LRP1B: variants seen among roughly 807,000 people sequenced by gnomAD.
LRP1B encodes the protein LDL receptor related protein 1B.
In LRP1B, 217 loss-of-function variants were observed where a neutral mutation model predicts 556.6. The ratio of observed to expected loss-of-function variants is 0.39; its 90% CI spans 0.35 to 0.44. LRP1B has a LOEUF of 0.44. Among genes scored for constraint, LRP1B ranks in the 20% least tolerant of loss-of-function variants. LRP1B has a pLI of 1.00. For missense variants in LRP1B, 5,053 were observed against 5,620.8 expected, an observed-to-expected ratio of 0.90 and a Z score of 3.23; for synonymous variants, 2,047 against 1,865.8, an observed-to-expected ratio of 1.10 and a Z score of -2.50.
chr2:140,394,427 C>G (rs1295770822), intron 66 of LRP1B, among the ~76,000 whole-genome samples: 1 of 152,038 alleles, frequency 6.6e-6, no homozygotes. Context: ...TGTATGGTGG[C>G]CAGGTGATGT....
chr2:141,867,401 T>C (rs1445195790), intron 1 of LRP1B, among the ~76,000 whole-genome samples: 2 of 152,174 alleles, frequency 1.3e-5, no homozygotes, highest in East Asian at 3.9e-4. Context: ...AGACAATAGA[T>C]ACCAAAATGA....
chr2:141,804,040 C>T (rs1251488390), intron 2 of LRP1B, among the ~76,000 whole-genome samples: 3 of 152,048 alleles, frequency 2.0e-5, no homozygotes, highest in African/African-American at 4.8e-5. Flanking sequence ...ACCCAAGAGA[C>T]TTGTTCTTTT....
intron 41 of LRP1B, among the ~76,000 whole-genome samples, chr2:140,639,293 T>G (rs141897309): frequency 6.6e-6 from 1 of 152,328 alleles, no homozygotes; most frequent in African/African-American, 2.4e-5. Flanking sequence ...AAAAAACTAA[T>G]CATCTTTCAT....
At chr2:140,394,638 CACG>C (rs1166814111) in intron 66 of LRP1B, among the ~76,000 whole-genome samples, 1 of 152,048 alleles carries the variant, frequency 6.6e-6, no homozygotes, top group African/African-American at 2.4e-5. Flanking sequence ...AACTTAGTCA[CACG>C]ACAACACAAG....
At chr2:141,951,569 A>G (rs536213774) in intron 1 of LRP1B, among the ~76,000 whole-genome samples, 1 of 152,232 alleles carries the variant, frequency 6.6e-6, no homozygotes, top group African/African-American at 2.4e-5. Context: ...TACAGTTAGT[A>G]TAATATATAA....
chr2:141,716,134 T>G (rs563648493), intron 2 of LRP1B, among the ~76,000 whole-genome samples: 8 of 152,262 alleles, frequency 5.3e-5, no homozygotes, highest in Admixed American at 5.2e-4. Context: ...AAGATGAGGT[T>G]CACAAAGCTC....
At chr2:141,323,692 A>G (rs112529687) in intron 3 of LRP1B, among the ~76,000 whole-genome samples, 3,191 of 152,114 alleles carry the variant, frequency 0.021, 56 homozygotes, top group Non-Finnish European at 0.034. Context: ...AGACTCACAG[A>G]TGTTACTCCA....
At chr2:140,271,354 C>A (rs1463448745) in intron 85 of LRP1B, among the ~76,000 whole-genome samples, 3 of 151,846 alleles carry the variant, frequency 2.0e-5, no homozygotes, top group South Asian at 2.1e-4. Context: ...CTGGACATAA[C>A]CTTGACAAAA....
chr2:140,754,989 C>G (rs1391424769), intron 35 of LRP1B, among the ~76,000 whole-genome samples: 1 of 150,224 alleles, frequency 6.7e-6, no homozygotes, highest in Non-Finnish European at 1.5e-5. Context: ...TGAGAGACAC[C>G]CCTACTGATA....
At chr2:142,008,095 G>A (rs1295964463) in intron 1 of LRP1B, among the ~76,000 whole-genome samples, 2 of 152,126 alleles carry the variant, frequency 1.3e-5, no homozygotes, top group Non-Finnish European at 2.9e-5. Context: ...GCAAAAAGAA[G>A]AAGGATTCAT....
intron 75 of LRP1B, among the ~76,000 whole-genome samples, chr2:140,355,670 T>A (rs1372337834): frequency 6.6e-6 from 1 of 151,962 alleles, no homozygotes; most frequent in Non-Finnish European, 1.5e-5. Flanking sequence ...GGTTTGGCTG[T>A]ACTTACATTA....
chr2:142,101,139 T>C (rs1318897974), intron 1 of LRP1B, among the ~76,000 whole-genome samples: 4 of 151,996 alleles, frequency 2.6e-5, no homozygotes, highest in African/African-American at 4.8e-5. Flanking sequence ...CATAAAGGAA[T>C]AAAGGATCAA....
At chr2:142,096,163 G>A (rs2104959322) in intron 1 of LRP1B, among the ~76,000 whole-genome samples, 1 of 151,840 alleles carries the variant, frequency 6.6e-6, no homozygotes, top group Admixed American at 6.6e-5. Context: ...GTTTTATGCA[G>A]AGGATATATA....
chr2:140,922,810 T>C (rs893185510), intron 21 of LRP1B, among the ~76,000 whole-genome samples, 155 bp downstream of exon 21: 7 of 152,110 alleles, frequency 4.6e-5, no homozygotes, highest in Admixed American at 1.3e-4. Flanking sequence ...CCATTGATAG[T>C]TCTCCCTAAA....
intron 1 of LRP1B, among the ~76,000 whole-genome samples, chr2:141,811,866 A>G (rs1438691115): frequency 1.3e-5 from 2 of 152,084 alleles, no homozygotes; most frequent in Admixed American, 1.3e-4. Flanking sequence ...CTCACTCTCC[A>G]AAAAATGGTA....
At chr2:140,706,814 C>G (rs1270694271) in intron 37 of LRP1B, among the ~76,000 whole-genome samples, 3 of 105,802 alleles carry the variant, frequency 2.8e-5, no homozygotes, top group Admixed American at 1.2e-4. Flanking sequence ...TACAGGTATA[C>G]TTTTCAGGAA....
chr2:142,107,219 G>A (rs1427771531), intron 1 of LRP1B, among the ~76,000 whole-genome samples: 1 of 152,102 alleles, frequency 6.6e-6, no homozygotes, highest in Non-Finnish European at 1.5e-5. Flanking sequence ...TGTTTTAAAT[G>A]TGTCCCCTAA....
intron 3 of LRP1B, among the ~76,000 whole-genome samples, chr2:141,356,398 T>C (rs1445188804): frequency 6.6e-6 from 1 of 152,030 alleles, no homozygotes; most frequent in Non-Finnish European, 1.5e-5. Context: ...CCCAATAATA[T>C]GATAACTCAG....
intron 32 of LRP1B, 45 bp downstream of exon 32, chr2:140,813,612 C>G (rs1433332435): frequency 6.3e-7 from 1 of 1,582,368 alleles, no homozygotes; most frequent in Non-Finnish European, 8.7e-7. Flanking sequence ...TAAATCAACC[C>G]CCAATCAATA....
Sources: allele counts gnomAD v4.1 joint callset (sites outside exome capture counted in the v4.1 genomes callset), GRCh38; gene constraint gnomAD v4.1.1; transcripts MANE v1.5; gene names NCBI Gene and HGNC (gene_info 2026-07-23, HGNC 2026-07-21).